The following XRCC5 variants were observed in gnomAD, a reference collection of about 807,000 sequenced individuals.
XRCC5 encodes DNA repair protein Ku80.
XRCC5 carries 12 observed loss-of-function variants against 95.7 expected under a neutral mutation model. The observed-to-expected ratio is 0.13, with a 90% confidence interval of 0.08 to 0.20. The LOEUF is 0.20. Among genes scored for constraint, XRCC5 ranks in the 10% least tolerant of loss-of-function variants. The pLI, the probability that XRCC5 is intolerant of heterozygous loss-of-function variation, is 1.00. For synonymous variants in XRCC5, 281 were observed against 290.3 expected, an observed-to-expected ratio of 0.97 and a Z score of 0.33; for missense variants, 595 against 873.9, an observed-to-expected ratio of 0.68 and a Z score of 4.02.
At chr2:216,157,416 A>G (rs1451436943) in intron 14 of XRCC5, among the ~76,000 whole-genome samples, 2 of 151,462 alleles carry the variant, frequency 1.3e-5, no homozygotes, top group South Asian at 4.2e-4. Context: ...TGTACTTTTA[A>G]TAGAGGTGGG....
chr2:216,187,786 G>GAGACAC (rs1426338009), intron 16 of XRCC5, among the ~76,000 whole-genome samples: 2 of 64,536 alleles, frequency 3.1e-5, no homozygotes, highest in Non-Finnish European at 5.0e-5. Flanking sequence ...ATGAACTCCT[G>GAGACAC]ACACACACAC....
At chr2:216,110,165 CT>C (rs1559234557) in intron 1 of XRCC5, among the ~76,000 whole-genome samples, 1 of 152,174 alleles carries the variant, frequency 6.6e-6, no homozygotes, top group Non-Finnish European at 1.5e-5. Flanking sequence ...TTTCAGGGCC[CT>C]GGAGAACCCC....
At chr2:216,159,990 G>A (rs1475525133) in intron 14 of XRCC5, 78 bp from the exon 15 acceptor site, 2 of 601,456 alleles carry the variant, frequency 3.3e-6, no homozygotes, top group Non-Finnish European at 5.2e-6. Context: ...TTTTTTTGGT[G>A]CTTGGAAAAT....
chr2:216,182,586 C>T (rs1054596316), intron 16 of XRCC5, among the ~76,000 whole-genome samples: 1 of 152,136 alleles, frequency 6.6e-6, no homozygotes, highest in Non-Finnish European at 1.5e-5. Flanking sequence ...CTAGTCTTCA[C>T]CCCCCACCAC....
At chr2:216,137,361 C>A in intron 11 of XRCC5, 136 bp downstream of exon 11, 1 of 1,009,558 alleles carries the variant, frequency 9.9e-7, no homozygotes, top group Non-Finnish European at 1.3e-6. Context: ...AGTTCTGGGG[C>A]AGGGCCCAGA....
At chr2:216,110,106 A>G (rs1162888631) in intron 1 of XRCC5, among the ~76,000 whole-genome samples, 5 of 152,230 alleles carry the variant, frequency 3.3e-5, no homozygotes, top group African/African-American at 1.2e-4. Flanking sequence ...GGAATAAAGA[A>G]CTGTGGGCTT....
chr2:216,152,808 C>T (rs1241186927), intron 14 of XRCC5, among the ~76,000 whole-genome samples: 10 of 151,780 alleles, frequency 6.6e-5, no homozygotes, highest in Non-Finnish European at 8.8e-5. Context: ...TAACTCACGC[C>T]GGCTAAGTTT....
intron 16 of XRCC5, among the ~76,000 whole-genome samples, chr2:216,170,632 C>T (rs1352975466): frequency 4.6e-5 from 7 of 152,126 alleles, no homozygotes; most frequent in East Asian, 1.9e-4. Flanking sequence ...GAGATTTGGG[C>T]GGGACACAAA....
chr2:216,173,776 G>A (rs777682606), intron 16 of XRCC5, among the ~76,000 whole-genome samples: 1 of 152,122 alleles, frequency 6.6e-6, no homozygotes, highest in African/African-American at 2.4e-5. Flanking sequence ...GGATGAGTTC[G>A]GCCTGATTTC....
intron 13 of XRCC5, among the ~76,000 whole-genome samples, chr2:216,147,429 AAG>A (rs1183927544): frequency 1.3e-5 from 2 of 152,184 alleles, no homozygotes; most frequent in African/African-American, 4.8e-5. Flanking sequence ...AGACAGTGGA[AAG>A]AGAAGCTGGG....
intron 16 of XRCC5, among the ~76,000 whole-genome samples, chr2:216,181,055 C>T (rs1175465840): frequency 1.3e-5 from 2 of 152,060 alleles, no homozygotes; most frequent in African/African-American, 4.8e-5. Flanking sequence ...TCAGATCATC[C>T]ACCCGCCTCG....
At chr2:216,119,975 CTA>C (rs1369173155) in intron 5 of XRCC5, among the ~76,000 whole-genome samples, 1 of 152,178 alleles carries the variant, frequency 6.6e-6, no homozygotes, top group Non-Finnish European at 1.5e-5. Context: ...AAATTGAGAG[CTA>C]TGCCAAGAAG....
At chr2:216,131,796 G>A (rs773024473) in intron 9 of XRCC5, among the ~76,000 whole-genome samples, 19 of 152,134 alleles carry the variant, frequency 1.2e-4, no homozygotes, top group Non-Finnish European at 2.5e-4. Flanking sequence ...CTCTCACACA[G>A]TGGCACTGTA....
At chr2:216,153,476 A>G (rs530532280) in intron 14 of XRCC5, among the ~76,000 whole-genome samples, 70 of 152,354 alleles carry the variant, frequency 4.6e-4, no homozygotes, top group African/African-American at 1.6e-3. Flanking sequence ...TCAGGGTTCC[A>G]AAGATTGATA....
At chr2:216,157,091 C>A (rs553664520) in intron 14 of XRCC5, among the ~76,000 whole-genome samples, 1 of 152,318 alleles carries the variant, frequency 6.6e-6, no homozygotes, top group South Asian at 2.1e-4. Context: ...AGCACGCACG[C>A]TGCCTAGAGA....
chr2:216,122,615 T>TTATTA (rs937843097), intron 6 of XRCC5, among the ~76,000 whole-genome samples: 7 of 151,720 alleles, frequency 4.6e-5, no homozygotes, highest in African/African-American at 7.3e-5. Flanking sequence ...ACAAAAAACA[T>TTATTA]TATTAATTAT....
intron 16 of XRCC5, among the ~76,000 whole-genome samples, chr2:216,183,646 T>C (rs921115589): frequency 2.0e-5 from 3 of 152,206 alleles, no homozygotes; most frequent in African/African-American, 7.2e-5. Context: ...TCGTATCTAC[T>C]GATTTTTCTG....
At chr2:216,111,566 C>A in intron 1 of XRCC5, 1 of 274,582 alleles carries the variant, frequency 3.6e-6, no homozygotes, top group Non-Finnish European at 7.4e-6. Flanking sequence ...CTGTTATGTT[C>A]CCTTTAATCT....
At position 216,205,486 on chromosome 2, in the gene XRCC5, C is replaced by A; in HGVS notation, c.*284C>A. The A allele has an allele frequency of 2.3e-6, 1 of 432,334 alleles. No individual in the cohort carries two copies. The highest frequency in any genetic ancestry group is 4.2e-6 in the Non-Finnish European group (1 of 240,334). The allele number at this position is 432,334 out of a possible 1,614,324, so 26.8% of individuals were successfully genotyped here. ...CTGATCTTTGTATATTACATACATG[C>A]TTTGAAGTTTCTGGAAAGTAGATCT... On this transcript the variant is annotated 3_prime_UTR_variant, in exon 21 of 21. Transcript: ENST00000392132.
Sources: gnomAD v4.1 joint callset for allele counts (sites outside exome capture counted in the v4.1 genomes callset) on GRCh38, gnomAD v4.1.1 for gene constraint, MANE v1.5 for transcripts, NCBI Gene and HGNC (gene_info 2026-07-23, HGNC 2026-07-21) for gene names.